The following IHO1 variants were observed in gnomAD, a reference collection of about 807,000 sequenced individuals.
IHO1 encodes the protein interactor of HORMAD1 1.
A neutral mutation model predicts 31.0 loss-of-function variants in IHO1; 13 were observed. The ratio of observed to expected loss-of-function variants is 0.42; its 90% CI spans 0.27 to 0.67. IHO1 has a LOEUF of 0.67. Ranked by LOEUF, IHO1 falls within the 30% of genes least tolerant of loss-of-function variation. The pLI is 0.24. For missense variants in IHO1, 599 were observed against 687.5 expected (o/e 0.87, Z 1.44); for synonymous variants, 221 against 248.4 (o/e 0.89, Z 1.04).
intron 2 of IHO1, among the ~76,000 whole-genome samples, chr3:49,226,681 C>G (rs2046422822): frequency 6.6e-6 from 1 of 152,208 alleles, no homozygotes; most frequent in Non-Finnish European, 1.5e-5. Context: ...TCTCCAAACT[C>G]TTGGGCTGCA....
At chr3:49,195,294 C>T (rs549013926), upstream of IHO1, among the ~76,000 whole-genome samples, 6 of 151,558 alleles carry the variant, frequency 4.0e-5, no homozygotes, top group East Asian at 5.8e-4. Context: ...TGGTGACATG[C>T]GTCTGTAATC....
At chr3:49,212,637 G>A (rs1278140954) in intron 2 of IHO1, among the ~76,000 whole-genome samples, 2 of 152,148 alleles carry the variant, frequency 1.3e-5, no homozygotes, top group Non-Finnish European at 2.9e-5. Context: ...CTTGCGGTGA[G>A]TGTTACAGTT....
At chr3:49,219,282 A>G (rs371371217) in intron 2 of IHO1, among the ~76,000 whole-genome samples, 15 of 152,170 alleles carry the variant, frequency 9.9e-5, no homozygotes, top group African/African-American at 3.4e-4. Flanking sequence ...AGGGCAAGGA[A>G]CACCTCACCC....
At chr3:49,209,944 C>G (rs1049370832) in intron 1 of IHO1, among the ~76,000 whole-genome samples, 32 of 151,552 alleles carry the variant, frequency 2.1e-4, no homozygotes, top group African/African-American at 7.0e-4. Context: ...TCTCGATCTC[C>G]TGACCTCGTA....
chr3:49,217,513 G>A (rs2046304079), intron 2 of IHO1, among the ~76,000 whole-genome samples: 1 of 150,082 alleles, frequency 6.7e-6, no homozygotes, highest in Admixed American at 6.7e-5. Flanking sequence ...GGCTGGGGGA[G>A]GGATAGCATT....
Position 49,222,243 on chromosome 3 carries a change from G to A in IHO1, c.56+10407G>A, listed in dbSNP as rs923832979. ...ATTAGTTGTATGGCTCTGCGCTGAC[G>A]GATAGAGAGCTACAAAGCCAACAGT... On this transcript the variant is annotated intron_variant, in intron 2 of 7. Transcript: ENST00000452691. 2.6e-5 allele frequency among the ~76,000 whole-genome samples: 4 copies of A among 152,270 alleles called. No homozygotes were observed. In the East Asian group the frequency reaches 7.7e-4, roughly 29 times the overall value.
chr3:49,249,220 ATATGT>A (rs2046731735), intron 6 of IHO1, among the ~76,000 whole-genome samples: 1 of 152,144 alleles, frequency 6.6e-6, no homozygotes, highest in Non-Finnish European at 1.5e-5. Flanking sequence ...ACTTTACCTC[ATATGT>A]TAAGTCTGGT....
At chr3:49,215,496 T>C (rs1298950995) in intron 2 of IHO1, among the ~76,000 whole-genome samples, 2 of 152,226 alleles carry the variant, frequency 1.3e-5, no homozygotes, top group African/African-American at 4.8e-5. Flanking sequence ...ACCCATATTA[T>C]ATGTTTGTAA....
chr3:49,220,649 A>G (rs1488702884), intron 2 of IHO1, among the ~76,000 whole-genome samples: 1 of 152,110 alleles, frequency 6.6e-6, no homozygotes, highest in Admixed American at 6.5e-5. Flanking sequence ...TGGGCGGATC[A>G]TGAGGTCAGG....
At chr3:49,246,256 G>A (rs7628211) in intron 6 of IHO1, among the ~76,000 whole-genome samples, 11 of 151,798 alleles carry the variant, frequency 7.2e-5, no homozygotes, top group African/African-American at 1.2e-4. Flanking sequence ...CAAGACAGAC[G>A]GCAGAAGCAA....
chr3:49,256,055 A>T lies in IHO1; in HGVS notation c.637-79A>T. On this transcript the variant is annotated intron_variant, in intron 7 of 7. Coordinates refer to ENST00000452691, the MANE Select transcript of IHO1 (RefSeq NM_001135197.2). This position sits in a 1 kb window ranked among gnomAD's most constrained non-coding sequence, Gnocchi z 4.6. ...AAGCCTTGGTTCTGCTGTCACATCC[A>T]TTGGTCTGTTCTCATGTTTTATTGT... is the stretch of plus-strand genomic sequence containing the variant. 8.1e-7 allele frequency: 1 copy of T among 1,232,558 alleles called. No individual in the cohort carries two copies. The highest frequency in any genetic ancestry group is 1.5e-5 in the South Asian group (1 of 68,928). The allele number at this position is 1,232,558 out of a possible 1,614,324, so 76.4% of individuals were successfully genotyped here. A position where few individuals can be genotyped will look rare whatever the true frequency, so the allele number is the denominator to read the frequency against.
intron 2 of IHO1, among the ~76,000 whole-genome samples, chr3:49,214,882 T>G (rs1026049954): frequency 5.9e-5 from 9 of 151,400 alleles, no homozygotes; most frequent in Non-Finnish European, 1.2e-4. Flanking sequence ...TCAGGTGATC[T>G]GCCCGCCTCA....
At chr3:49,201,391 T>C (rs938421388) in intron 1 of IHO1, among the ~76,000 whole-genome samples, 21 of 152,022 alleles carry the variant, frequency 1.4e-4, no homozygotes, top group Non-Finnish European at 2.9e-4. Flanking sequence ...GTGGATCACC[T>C]GAGGTCAGAA....
intron 2 of IHO1, among the ~76,000 whole-genome samples, chr3:49,235,646 G>A (rs562431641): frequency 6.6e-6 from 1 of 152,020 alleles, no homozygotes; most frequent in Non-Finnish European, 1.5e-5. Context: ...TAACATTCTT[G>A]GCTGGGTGCA....
At chr3:49,242,824 A>G (rs1179143134) in intron 4 of IHO1, among the ~76,000 whole-genome samples, 1 of 152,178 alleles carries the variant, frequency 6.6e-6, no homozygotes, top group Non-Finnish European at 1.5e-5. Flanking sequence ...AAGCAAAAAA[A>G]CAACAACAAC....
At chr3:49,192,348 G>T in the IHO1 span, among the ~76,000 whole-genome samples, 6 of 152,180 alleles carry the variant, frequency 3.9e-5, no homozygotes, top group Non-Finnish European at 8.8e-5. Context: ...AACATGCAAA[G>T]ATTTGACATT....
intron 3 of IHO1, 70 bp downstream of exon 3, chr3:49,236,792 C>T: frequency 6.9e-7 from 1 of 1,451,126 alleles, no homozygotes; most frequent in South Asian, 1.3e-5. Context: ...ATAAAGAATA[C>T]TTATTCTGGC....
intron 1 of IHO1, among the ~76,000 whole-genome samples, chr3:49,202,948 C>T (rs1161792352): frequency 2.6e-5 from 4 of 151,464 alleles, no homozygotes; most frequent in East Asian, 2.0e-4. Flanking sequence ...CTGCAAGCTC[C>T]GCTTCCCGGG....
intron 2 of IHO1, among the ~76,000 whole-genome samples, chr3:49,219,112 C>T (rs980602499): frequency 6.6e-6 from 1 of 152,168 alleles, no homozygotes; most frequent in Non-Finnish European, 1.5e-5. Context: ...AGTTTGAGAC[C>T]AGCCTGGCCA....
Sources: allele counts gnomAD v4.1 joint callset (sites outside exome capture counted in the v4.1 genomes callset), GRCh38; gene constraint gnomAD v4.1.1; non-coding constraint Gnocchi (gnomAD v3.1); transcripts MANE v1.5; gene names NCBI Gene and HGNC (gene_info 2026-07-23, HGNC 2026-07-21).